The following TLK2 variants were observed in gnomAD, a reference collection of about 807,000 sequenced individuals.
The protein encoded by TLK2 is serine/threonine-protein kinase tousled-like 2.
A neutral mutation model predicts 117.3 loss-of-function variants in TLK2; 6 were observed. The observed-to-expected ratio is 0.05, with a 90% CI of 0.03 to 0.10. TLK2 has a LOEUF of 0.10. TLK2 is among the 10% of genes least tolerant of loss of function. The pLI, the probability that TLK2 is intolerant of heterozygous loss-of-function variation, is 1.00. For synonymous variants in TLK2, 257 were observed against 316.7 expected, an observed-to-expected ratio of 0.81 and a Z score of 2.00; for missense variants, 299 against 901.2, an observed-to-expected ratio of 0.33 and a Z score of 8.56.
At chr17:62,548,820 T>C (rs1367822708) in intron 7 of TLK2, among the ~76,000 whole-genome samples, 1 of 151,760 alleles carries the variant, frequency 6.6e-6, no homozygotes, top group Non-Finnish European at 1.5e-5. Context: ...CACTGCAACC[T>C]CCACCTCCTG....
chr17:62,585,068 T>C (rs368067628), intron 15 of TLK2, among the ~76,000 whole-genome samples: 3 of 152,228 alleles, frequency 2.0e-5, no homozygotes, highest in Admixed American at 6.5e-5. Flanking sequence ...TATCAAATTA[T>C]GATTTACACC....
At chr17:62,516,315 C>T in intron 2 of TLK2, 1 of 1,130,812 alleles carries the variant, frequency 8.8e-7, no homozygotes, top group African/African-American at 1.5e-5. Flanking sequence ...AGAATCCTCT[C>T]CAGTTTTACT....
chr17:62,612,272 A>T, intron 21 of TLK2, 120 bp from the exon 22 acceptor site: 1 of 1,098,738 alleles, frequency 9.1e-7, no homozygotes, highest in Non-Finnish European at 1.3e-6. Context: ...GGAAGGCCTT[A>T]AGCCCCTTCT....
intron 21 of TLK2, among the ~76,000 whole-genome samples, chr17:62,608,494 A>T (rs1297106247): frequency 6.6e-6 from 1 of 152,214 alleles, no homozygotes; most frequent in East Asian, 1.9e-4. Flanking sequence ...AGGGATTATG[A>T]TTAATTTGGG....
At chr17:62,529,579 C>T (rs2076602695) in intron 6 of TLK2, among the ~76,000 whole-genome samples, 2 of 152,116 alleles carry the variant, frequency 1.3e-5, no homozygotes, top group Admixed American at 1.3e-4. Flanking sequence ...TTAATATATC[C>T]AAATCATTGT....
At chr17:62,547,655 A>G (rs1162690218) in intron 7 of TLK2, among the ~76,000 whole-genome samples, 2 of 152,188 alleles carry the variant, frequency 1.3e-5, no homozygotes, top group African/African-American at 4.8e-5. Flanking sequence ...GTGTATTTTT[A>G]CAGAAAGCTT....
intron 9 of TLK2, among the ~76,000 whole-genome samples, chr17:62,555,736 C>T (rs2078813618): frequency 6.6e-6 from 1 of 151,760 alleles, no homozygotes; most frequent in African/African-American, 2.4e-5. Context: ...CTCGGCCTCC[C>T]AAAGTGCTGG....
chr17:62,529,746 T>C (rs1335204909), intron 6 of TLK2, among the ~76,000 whole-genome samples: 1 of 152,254 alleles, frequency 6.6e-6, no homozygotes, highest in East Asian at 1.9e-4. Flanking sequence ...AGTTTAGATA[T>C]ATCATTGTTT....
At chr17:62,563,803 G>C (rs2079500133) in intron 10 of TLK2, among the ~76,000 whole-genome samples, 1 of 152,112 alleles carries the variant, frequency 6.6e-6, no homozygotes, top group African/African-American at 2.4e-5. Flanking sequence ...ATAAACCTGT[G>C]TTCAATGAAT....
rs1261789380 is a variant in TLK2, at chr17:62,565,169, T to G, written c.968+32T>G. ...GAATTGTTATGATTAAATGGAGAAT[T>G]GAAAAGTTCGTTTGCATTTTTTAGG... On this transcript the variant is annotated intron_variant, in intron 11 of 21. Transcript: ENST00000346027. 4 of 1,582,980 alleles carry G rather than the reference T, an allele frequency of 2.5e-6. No individual in the cohort carries two copies. In the South Asian group the frequency reaches 4.6e-5, roughly 18 times the overall value.
At chr17:62,601,620 G>A (rs965798023) in intron 18 of TLK2, among the ~76,000 whole-genome samples, 4 of 152,286 alleles carry the variant, frequency 2.6e-5, no homozygotes, top group East Asian at 1.9e-4. Flanking sequence ...AGCTGTAGGC[G>A]GTGCTGTGGT....
chr17:62,569,879 C>G (rs1464953118), intron 11 of TLK2, among the ~76,000 whole-genome samples: 3 of 152,148 alleles, frequency 2.0e-5, no homozygotes, highest in African/African-American at 7.2e-5. Context: ...AATGTATTCT[C>G]TCACACTTCA....
chr17:62,516,374 C>T (rs1207029399), intron 2 of TLK2: 26 of 1,562,974 alleles, frequency 1.7e-5, no homozygotes, highest in Non-Finnish European at 2.1e-5. Flanking sequence ...AACTAGAATT[C>T]GGTTGCTGAC....
intron 11 of TLK2, among the ~76,000 whole-genome samples, chr17:62,567,812 T>TTTG (rs1011664964): frequency 6.6e-6 from 1 of 152,150 alleles, no homozygotes; most frequent in Non-Finnish European, 1.5e-5. Flanking sequence ...ACCATTTTTT[T>TTTG]TTGTTGTTGT....
intron 2 of TLK2, among the ~76,000 whole-genome samples, chr17:62,495,671 A>ATATG (rs946036212): frequency 5.6e-5 from 8 of 143,100 alleles, no homozygotes; most frequent in African/African-American, 2.1e-4. Flanking sequence ...ATATATATAT[A>ATATG]TATTGGAGAC....
At chr17:62,513,803 T>C (rs1386723666) in intron 2 of TLK2, among the ~76,000 whole-genome samples, 3 of 151,966 alleles carry the variant, frequency 2.0e-5, no homozygotes, top group Non-Finnish European at 2.9e-5. Flanking sequence ...GTTCTCTGCC[T>C]CAGCCTCCTG....
At chr17:62,589,482 T>G (rs1598791397) in intron 16 of TLK2, among the ~76,000 whole-genome samples, 1 of 152,226 alleles carries the variant, frequency 6.6e-6, no homozygotes, top group Admixed American at 6.5e-5. Context: ...TCTTGGATTA[T>G]AAGTTGAAAG....
intron 16 of TLK2, among the ~76,000 whole-genome samples, chr17:62,593,535 T>C (rs189727199): frequency 6.6e-6 from 1 of 152,162 alleles, no homozygotes; most frequent in Non-Finnish European, 1.5e-5. Context: ...AATTTTTTTT[T>C]ATTTTTAAAC....
intron 2 of TLK2, among the ~76,000 whole-genome samples, chr17:62,519,542 G>A (rs1241191175): frequency 1.3e-5 from 2 of 152,088 alleles, no homozygotes; most frequent in Non-Finnish European, 1.5e-5. Context: ...GGCCGGGTGC[G>A]GTGGCTCACG....
Sources: gnomAD v4.1 joint callset for allele counts (sites outside exome capture counted in the v4.1 genomes callset) on GRCh38, gnomAD v4.1.1 for gene constraint, MANE v1.5 for transcripts, NCBI Gene and HGNC (gene_info 2026-07-23, HGNC 2026-07-21) for gene names.